TRIM11: variants seen among roughly 807,000 people sequenced by gnomAD.
TRIM11 encodes E3 ubiquitin-protein ligase TRIM11.
A neutral mutation model predicts 33.4 loss-of-function variants in TRIM11; 15 were observed. The ratio of observed to expected loss-of-function variants is 0.45; its 90% CI spans 0.30 to 0.69. The LOEUF is 0.69. Ranked by LOEUF, TRIM11 falls within the 30% of genes least tolerant of loss-of-function variation. The probability of loss-of-function intolerance (pLI) is 0.08; values close to 1 mark genes in which losing one functional copy is unlikely to be tolerated. For missense variants in TRIM11, 499 were observed against 667.6 expected (o/e 0.75, Z 2.78); for synonymous variants, 281 against 302.6 (o/e 0.93, Z 0.74).
chr1:228,399,013 G>C (rs1195638250), intron 3 of TRIM11, among the ~76,000 whole-genome samples: 1 of 152,096 alleles, frequency 6.6e-6, no homozygotes, highest in Non-Finnish European at 1.5e-5. Flanking sequence ...GCTGAAGGGG[G>C]CAGCCAGGAC....
intron 5 of TRIM11, chr1:228,396,086 T>A (rs2074984452): frequency 6.5e-6 from 1 of 153,012 alleles, no homozygotes; most frequent in Non-Finnish European, 1.5e-5. Flanking sequence ...AGAAGCATCT[T>A]GTGCTATCAT....
chr1:228,396,611 G>A (rs1558445682), intron 5 of TRIM11: 2 of 678,586 alleles, frequency 2.9e-6, no homozygotes, highest in Non-Finnish European at 5.5e-6. Context: ...GTTGTGACTG[G>A]CATCTGAAGT....
intron 3 of TRIM11, 102 bp from the exon 4 acceptor site, chr1:228,397,267 C>A: frequency 7.1e-7 from 1 of 1,417,014 alleles, no homozygotes. Context: ...CCCTCTCCTA[C>A]ATTTGAGCGT....
Position 228,401,540 on chromosome 1 carries a change from C to G in TRIM11, c.505-346G>C, listed in dbSNP as rs757485119. On this transcript the variant is annotated intron_variant, in intron 2 of 5. Transcript: ENST00000284551. The surrounding 1 kb of genome is among the most constrained non-coding windows in gnomAD (Gnocchi z 6.1). The stretch of plus-strand genomic sequence containing the variant: ...AGTCCCTCCCCAACTTCCAAATCCA[C>G]CCATTGGCTTGGTAGAACCCTGCAT... 1.3e-5 allele frequency among the ~76,000 whole-genome samples: 2 copies of G among 152,116 alleles called. No homozygotes were observed. The highest frequency in any genetic ancestry group is 2.9e-5 in the Non-Finnish European group (2 of 68,010).
intron 4 of TRIM11, 45 bp downstream of exon 4, chr1:228,397,098 C>T: frequency 1.2e-6 from 2 of 1,613,872 alleles, no homozygotes; most frequent in Non-Finnish European, 1.7e-6. Context: ...CTGGGTCCCA[C>T]CCCACTCCCT....
At chr1:228,396,352 C>T (rs2074986863) in intron 5 of TRIM11, 1 of 393,090 alleles carries the variant, frequency 2.5e-6, no homozygotes, top group Non-Finnish European at 4.6e-6. Flanking sequence ...TCTTGGGGCT[C>T]AGGGAGTTTC....
chr1:228,406,583 G>A lies in TRIM11; in HGVS notation c.-22C>T, dbSNP rs764788864. 6.2e-6 allele frequency: 9 copies of A among 1,454,026 alleles called. No individual in the cohort carries two copies. In the Admixed American group the frequency reaches 1.4e-4, roughly 23 times the overall value. 90.1% of individuals were successfully genotyped at this position (1,454,026 alleles called of 1,614,324 possible). On this transcript the variant is annotated 5_prime_UTR_variant, in exon 1 of 6. Coordinates refer to ENST00000284551, the MANE Select transcript of TRIM11 (RefSeq NM_145214.3). The surrounding 1 kb of genome is among the most constrained non-coding windows in gnomAD (Gnocchi z 8.2). ...CCATGGCGCGGACAGAGGGGAGGAA[G>A]GCGGTACTGTCCGCGGGGCGGCGGC...
In TRIM11 at chr1:228,406,077, C is replaced by CA; in HGVS notation, c.408+76dup. 2.3e-5 allele frequency: 30 copies of CA among 1,304,924 alleles called. No individual in the cohort carries two copies. The highest frequency in any genetic ancestry group is 2.7e-5 in the Non-Finnish European group (28 of 1,021,732). The allele number at this position is 1,304,924 out of a possible 1,614,324, so 80.8% of individuals were successfully genotyped here. ...ACAGATTACTCCCGGAGCAGTCCCCCAAACCTCCCACCCGCCCAGGCCTCC... is the reference window on the plus strand; with the variant it reads ...ACAGATTACTCCCGGAGCAGTCCCCCAAAACCTCCCACCCGCCCAGGCCTCC... On this transcript the variant is annotated intron_variant, in intron 1 of 5. Coordinates refer to ENST00000284551, the MANE Select transcript of TRIM11 (RefSeq NM_145214.3). This position sits in a 1 kb window ranked among gnomAD's most constrained non-coding sequence, Gnocchi z 8.2.
In TRIM11 at chr1:228,395,662, C is replaced by T. The variant is rs1048259137; in HGVS notation, c.860-410G>A. 3 of 164,402 alleles carry T rather than the reference C, an allele frequency of 1.8e-5. No individual in the cohort carries two copies. The highest frequency in any genetic ancestry group is 3.9e-5 in the Non-Finnish European group (3 of 76,702). 10.2% of individuals were successfully genotyped at this position (164,402 alleles called of 1,614,324 possible). A position where few individuals can be genotyped will look rare whatever the true frequency, so the allele number is the denominator to read the frequency against. On this transcript the variant is annotated intron_variant, in intron 5 of 5. Coordinates refer to ENST00000284551, the MANE Select transcript of TRIM11 (RefSeq NM_145214.3). This position sits in a 1 kb window ranked among gnomAD's most constrained non-coding sequence, Gnocchi z 4.8. ...AGATCCTCCCAAGCTGCTGGGATTACAGGCGTGTGCCACCATGGCTGGCTC... is the reference window on the plus strand; with the variant it reads ...AGATCCTCCCAAGCTGCTGGGATTATAGGCGTGTGCCACCATGGCTGGCTC...
At position 228,406,026 on chromosome 1, in the gene TRIM11, T is replaced by C; in HGVS notation, c.408+128A>G. 1 of 1,123,956 alleles carries C rather than the reference T, an allele frequency of 8.9e-7. No homozygotes were observed. The highest frequency in any genetic ancestry group is 1.2e-6 in the Non-Finnish European group (1 of 866,904). The allele number at this position is 1,123,956 out of a possible 1,614,324, so 69.6% of individuals were successfully genotyped here. ...CCTCACAGGCCCACAGCAGGCTGCA[T>C]CCTGAGCTCCCCGCCCTAGACAGAG... is the stretch of plus-strand genomic sequence containing the variant. On this transcript the variant is annotated intron_variant, in intron 1 of 5. Transcript: ENST00000284551. The surrounding 1 kb of genome is among the most constrained non-coding windows in gnomAD (Gnocchi z 8.2).
At chr1:228,399,892 A>AC (rs1491142622) in intron 3 of TRIM11, among the ~76,000 whole-genome samples, 16 of 107,600 alleles carry the variant, frequency 1.5e-4, no homozygotes, top group African/African-American at 8.4e-4. Flanking sequence ...AAAAAAAAAC[A>AC]AAAAAAAAAA....
chr1:228,399,646 A>G (rs1049258884), intron 3 of TRIM11, among the ~76,000 whole-genome samples: 1 of 151,882 alleles, frequency 6.6e-6, no homozygotes, highest in Non-Finnish European at 1.5e-5. Context: ...CCCACAATTT[A>G]CTGACCACAG....
rs1310452800 is a variant in TRIM11 at position 228,406,460 on chromosome 1, G to A, written c.102C>T (p.Asn34=). 6.3e-7 allele frequency: 1 copy of A among 1,592,286 alleles called. No individual in the cohort carries two copies. Among genetic ancestry groups the A allele is most frequent in the Non-Finnish European group, 8.5e-7 (1 of 1,173,408 alleles). Reference sequence around the variant, plus strand: ...AGCGCCGGATGCACTCGCGGCAGAAGTTGTGGCCGCAGTCGGTCATCACCG... The same window carrying A: ...AGCGCCGGATGCACTCGCGGCAGAAATTGTGGCCGCAGTCGGTCATCACCG... The part of the protein sequence containing the change: ...TDPVMTDCGH[N]FCRECIRRCW... The change falls in exon 1 of 6, where the codon AAC becomes AAT. Residue 34 remains asparagine, a synonymous_variant. Coordinates refer to ENST00000284551, the MANE Select transcript of TRIM11 (RefSeq NM_145214.3). The surrounding 1 kb of genome is among the most constrained non-coding windows in gnomAD (Gnocchi z 8.2).
rs769929003 is a variant in TRIM11 at position 228,396,940 on chromosome 1, C to A, written c.859+7G>T. The A allele has an allele frequency of 2.1e-5, 34 of 1,614,074 alleles. No homozygotes were observed. The South Asian group carries it at 3.6e-4, about 17-fold the overall frequency. On this transcript the variant is annotated splice_region_variant and intron_variant, in intron 5 of 5. Coordinates refer to ENST00000284551, the MANE Select transcript of TRIM11 (RefSeq NM_145214.3). ...GTCATCTCCCCACCTGGGGCCTCCA[C>A]ACCTACCTCGAAACCTCCGCAGTGT...
rs1455491149 is a variant in TRIM11 at position 228,403,032 on chromosome 1, G to T, written c.409-871C>A. The T allele has an allele frequency of 6.6e-6, 1 of 152,200 alleles. No homozygotes were observed. The highest frequency in any genetic ancestry group is 1.5e-5 in the Non-Finnish European group (1 of 68,052). The allele number at this position is 152,200 out of a possible 1,614,324, so 9.4% of individuals were successfully genotyped here. The stretch of plus-strand genomic sequence containing the variant: ...CAGCTATCACTGTAATAAGCTCCAG[G>T]ATGGGTACACCTCCATTCTGCTTTC... On this transcript the variant is annotated intron_variant, in intron 1 of 5. Transcript: ENST00000284551. The surrounding 1 kb of genome is among the most constrained non-coding windows in gnomAD (Gnocchi z 4.8).
chr1:228,397,391 C>T lies in TRIM11; in HGVS notation c.736-226G>A, dbSNP rs148057369. The T allele has an allele frequency of 5.8e-3, 3,351 of 582,244 alleles. 15 individuals are homozygous for T. Among genetic ancestry groups the T allele is most frequent in the Non-Finnish European group, 8.4e-3 (2,746 of 328,264 alleles). The allele number at this position is 582,244 out of a possible 1,614,324, so 36.1% of individuals were successfully genotyped here. On this transcript the variant is annotated intron_variant, in intron 3 of 5. Coordinates refer to ENST00000284551, the MANE Select transcript of TRIM11 (RefSeq NM_145214.3). ...GCCAGGAGGCATCACCAATGGGGTG[C>T]AGCCCAGCCCTGCGGACCAAGGCCC... is the stretch of plus-strand genomic sequence containing the variant.
At position 228,394,731 on chromosome 1, in the gene TRIM11, A is replaced by G. The variant is rs754472445; in HGVS notation, c.1381T>C (p.Ser461Pro). ...PMTICRPKGG[S>P]GDTLAPQ ...CACTGGGGAGCCAGGGTGTCCCCGG[A>G]CCCACCTTTCGGCCGGCAGATAGTC... The change falls in exon 6 of 6, where the codon TCC becomes CCC. Residue 461 changes from serine to proline, a missense_variant. Coordinates refer to ENST00000284551, the MANE Select transcript of TRIM11 (RefSeq NM_145214.3). The surrounding 1 kb of genome is among the most constrained non-coding windows in gnomAD (Gnocchi z 6.2). 1.1e-5 allele frequency: 17 copies of G among 1,608,964 alleles called. No individual in the cohort carries two copies. The highest frequency in any genetic ancestry group is 1.4e-5 in the Non-Finnish European group (17 of 1,176,546).
At chr1:228,399,739 G>A (rs2075015521) in intron 3 of TRIM11, among the ~76,000 whole-genome samples, 1 of 152,054 alleles carries the variant, frequency 6.6e-6, no homozygotes, top group African/African-American at 2.4e-5. Context: ...GCCAGCTGAT[G>A]TCCAAGCTGG....
intron 1 of TRIM11, 163 bp downstream of exon 1, chr1:228,405,991 G>A (rs536012733): frequency 2.4e-5 from 19 of 788,294 alleles, no homozygotes; most frequent in Admixed American, 8.6e-5. Context: ...GCCACCCTGC[G>A]CGACACCCCC....
Sources: allele counts gnomAD v4.1 joint callset (sites outside exome capture counted in the v4.1 genomes callset), GRCh38; gene constraint gnomAD v4.1.1; non-coding constraint Gnocchi (gnomAD v3.1); transcripts MANE v1.5; gene names NCBI Gene and HGNC (gene_info 2026-07-23, HGNC 2026-07-21).